Variants in RNFT2 observed in about 807,000 individuals in gnomAD.
RNFT2 encodes the protein ring finger protein, transmembrane 2.
In RNFT2, 36 loss-of-function variants were observed where a neutral mutation model predicts 53.0. The observed-to-expected ratio is 0.68, with a 90% CI of 0.52 to 0.90. The LOEUF (loss-of-function observed/expected upper bound fraction) is 0.90. Ranked by LOEUF, RNFT2 falls within the 40% of genes least tolerant of loss-of-function variation. The pLI is 0.00. For missense variants in RNFT2, 514 were observed against 585.6 expected, an observed-to-expected ratio of 0.88 and a Z score of 1.26; for synonymous variants, 260 against 253.2, an observed-to-expected ratio of 1.03 and a Z score of -0.26.
At chr12:116,761,799 AC>A (rs999232378) in intron 5 of RNFT2, among the ~76,000 whole-genome samples, 1 of 152,068 alleles carries the variant, frequency 6.6e-6, no homozygotes, top group Non-Finnish European at 1.5e-5. Flanking sequence ...TCCTCCACCC[AC>A]CTGCAGACCC....
intron 7 of RNFT2, among the ~76,000 whole-genome samples, chr12:116,818,618 G>T (rs186690811): frequency 6.6e-6 from 1 of 152,206 alleles, no homozygotes; most frequent in South Asian, 2.1e-4. Context: ...TGGCGACCCT[G>T]TCGGAGAGAG....
intron 5 of RNFT2, among the ~76,000 whole-genome samples, chr12:116,759,890 G>C (rs1255506366): frequency 6.6e-6 from 1 of 152,156 alleles, no homozygotes; most frequent in Non-Finnish European, 1.5e-5. Flanking sequence ...GTAGCGTGGC[G>C]AGGAACCCGT....
Position 116,852,388 on chromosome 12 carries a change from C to T in RNFT2, c.*2940C>T. On this transcript the variant is annotated 3_prime_UTR_variant, in exon 11 of 11. Coordinates refer to ENST00000257575, the MANE Select transcript of RNFT2 (RefSeq NM_001382266.1). The stretch of plus-strand genomic sequence containing the variant: ...CACCAAACCAGGACTTTCCCCTTGG[C>T]TTGGCATCCCTGGCTCTCTCCTGGT... 8.2e-6 allele frequency: 11 copies of T among 1,336,990 alleles called. No homozygotes were observed. The allele number at this position is 1,336,990 out of a possible 1,614,324, so 82.8% of individuals were successfully genotyped here.
At chr12:116,778,137 TCTTC>T (rs1363753783) in intron 6 of RNFT2, among the ~76,000 whole-genome samples, 1 of 151,378 alleles carries the variant, frequency 6.6e-6, no homozygotes, top group Non-Finnish European at 1.5e-5. Flanking sequence ...TTCCCTCCTT[TCTTC>T]CTTCCTTCCT....
At chr12:116,826,383 C>T (rs529409629) in intron 7 of RNFT2, among the ~76,000 whole-genome samples, 3 of 152,306 alleles carry the variant, frequency 2.0e-5, no homozygotes, top group African/African-American at 4.8e-5. Context: ...TTCCCCTTCA[C>T]GGTGGCAGGG....
chr12:116,837,570 G>T (rs1290668834), intron 10 of RNFT2, among the ~76,000 whole-genome samples: 2 of 152,028 alleles, frequency 1.3e-5, no homozygotes, highest in Non-Finnish European at 2.9e-5. Flanking sequence ...GGGGGAGGTT[G>T]TTTTTCATGT....
chr12:116,803,392 T>C (rs962205133), intron 7 of RNFT2, among the ~76,000 whole-genome samples: 19 of 152,206 alleles, frequency 1.2e-4, no homozygotes, highest in Admixed American at 1.2e-3. Context: ...ATTTCAACTA[T>C]ACAGAAAATA....
intron 8 of RNFT2, 38 bp from the exon 9 acceptor site, chr12:116,835,922 T>C (rs201250431): frequency 1.2e-6 from 2 of 1,612,418 alleles, no homozygotes; most frequent in African/African-American, 2.7e-5. Context: ...CGAGTGATCC[T>C]TGGGTACATT....
At chr12:116,806,393 T>TAGATAGATAG (rs60469052) in intron 7 of RNFT2, among the ~76,000 whole-genome samples, 1,226 of 80,810 alleles carry the variant, frequency 0.015, 7 homozygotes, top group African/African-American at 0.017. Flanking sequence ...TATATATATA[T>TAGATAGATAG]ATATATAGAT....
chr12:116,756,818 G>A (rs1224158732), intron 5 of RNFT2, among the ~76,000 whole-genome samples: 7 of 152,088 alleles, frequency 4.6e-5, no homozygotes, highest in African/African-American at 1.7e-4. Flanking sequence ...TCCTGGTTTT[G>A]GTATTAGGGT....
chr12:116,837,953 A>T (rs573977072), intron 10 of RNFT2, among the ~76,000 whole-genome samples: 1 of 152,152 alleles, frequency 6.6e-6, no homozygotes, highest in Non-Finnish European at 1.5e-5. Flanking sequence ...GAAAGATATA[A>T]AAAGGAGGCC....
rs1407635812 is a variant in RNFT2, at chr12:116,809,921, C to G, written c.883-23871C>G. ...AACTCCCAACCTCAGATGATCCACC[C>G]ACCTCGGCCTCCCAAAGTGCTGGGC... is the stretch of plus-strand genomic sequence containing the variant. On this transcript the variant is annotated intron_variant, in intron 7 of 10. Transcript: ENST00000257575. Among the ~76,000 whole-genome samples, 3 of 152,140 alleles carry G rather than the reference C, an allele frequency of 2.0e-5. No individual in the cohort carries two copies. In the South Asian group the frequency reaches 6.2e-4, roughly 32 times the overall value.
At chr12:116,848,237 A>G (rs1480847615) in intron 10 of RNFT2, among the ~76,000 whole-genome samples, 3 of 152,220 alleles carry the variant, frequency 2.0e-5, no homozygotes, top group South Asian at 2.1e-4. Flanking sequence ...TTCTCTATCC[A>G]GTCTATCATT....
At chr12:116,744,924 A>C (rs556792057) in intron 3 of RNFT2, among the ~76,000 whole-genome samples, 1 of 152,178 alleles carries the variant, frequency 6.6e-6, no homozygotes, top group South Asian at 2.1e-4. Flanking sequence ...TGGCCTCCTC[A>C]TGGACCAACA....
chr12:116,799,705 G>T (rs1168764963), intron 7 of RNFT2, among the ~76,000 whole-genome samples: 1 of 152,152 alleles, frequency 6.6e-6, no homozygotes. Context: ...TAGAGACGGG[G>T]TTTCACCATG....
At chr12:116,845,654 C>G (rs1014733792) in intron 10 of RNFT2, among the ~76,000 whole-genome samples, 3 of 152,020 alleles carry the variant, frequency 2.0e-5, no homozygotes, top group Non-Finnish European at 4.4e-5. Context: ...GGACGGGAGA[C>G]GGGCCATCAT....
intron 1 of RNFT2, 42 bp from the exon 2 acceptor site, chr12:116,740,303 G>C (rs1338716076): frequency 1.7e-6 from 1 of 582,090 alleles, no homozygotes; most frequent in Admixed American, 2.9e-5. Flanking sequence ...CAGATTCAAG[G>C]TATCGCAGGG....
In RNFT2 at chr12:116,833,895, G is replaced by A. The variant is rs1876819868; in HGVS notation, c.986G>A (p.Ser329Asn). 6.2e-7 allele frequency: 1 copy of A among 1,613,044 alleles called. No individual in the cohort carries two copies. Among genetic ancestry groups the A allele is most frequent in the Non-Finnish European group, 8.5e-7 (1 of 1,179,522 alleles). ...ATCATGGGTGACGACTCCTCCAACA[G>A]CTACTTCCTGGGCGGGGTCCTGATC... is the stretch of plus-strand genomic sequence containing the variant. ...KYIMGDDSSNSYFLGGVLIVL... is the reference protein window; with the variant it reads ...KYIMGDDSSNNYFLGGVLIVL... Residue 329 changes from serine (S) to asparagine (N), a missense_variant, in exon 8 of 11, where the codon AGC becomes AAC. This residue lies in a region of RNFT2 where 273 missense variants were observed against 334.4 expected (regional missense o/e 0.82). Transcript: ENST00000257575.
chr12:116,853,595 G>C lies in RNFT2; in HGVS notation c.*4147G>C, dbSNP rs76690826. On this transcript the variant is annotated 3_prime_UTR_variant, in exon 11 of 11. Coordinates refer to ENST00000257575, the MANE Select transcript of RNFT2 (RefSeq NM_001382266.1). ...CTTTGGTGTTTTAATGTCTCCCAAA[G>C]TACCCTTCAGCCAATAAATACCATC... 3 of 167,218 alleles carry C rather than the reference G, an allele frequency of 1.8e-5. No individual in the cohort carries two copies. The highest frequency in any genetic ancestry group is 3.1e-4 in the East Asian group (2 of 6,362). The allele number at this position is 167,218 out of a possible 1,614,324, so 10.4% of individuals were successfully genotyped here.
Sources: allele counts gnomAD v4.1 joint callset (sites outside exome capture counted in the v4.1 genomes callset), GRCh38; gene constraint gnomAD v4.1.1; regional missense constraint gnomAD v4.1.1; transcripts MANE v1.5; gene names NCBI Gene and HGNC (gene_info 2026-07-23, HGNC 2026-07-21).